Variants in EYS observed in about 807,000 individuals in gnomAD.
EYS encodes EGF-like photoreceptor maintenance factor.
Under a neutral mutation model 282.1 loss-of-function variants are expected in EYS, and 250 were observed. That is an observed-to-expected ratio of 0.89 (90% CI 0.80 to 0.98). The LOEUF (loss-of-function observed/expected upper bound fraction) is 0.98. Among genes scored for constraint, EYS ranks in the 50% least tolerant of loss-of-function variants. The pLI is 0.00. For synonymous variants in EYS, 1,355 were observed against 1,282.9 expected, an observed-to-expected ratio of 1.06 and a Z score of -1.20; for missense variants, 4,016 against 3,709.0, an observed-to-expected ratio of 1.08 and a Z score of -2.15.
chr6:64,753,876 T>C (rs937801446), intron 22 of EYS, among the ~76,000 whole-genome samples: 4 of 152,022 alleles, frequency 2.6e-5, no homozygotes, highest in African/African-American at 7.2e-5. Context: ...TCTCAATGAA[T>C]TTGGAAAAAT....
At chr6:64,848,286 GT>G (rs1256278857) in intron 19 of EYS, among the ~76,000 whole-genome samples, 23 of 151,258 alleles carry the variant, frequency 1.5e-4, no homozygotes, top group Admixed American at 2.6e-4. Context: ...ATAATATTAT[GT>G]TTTTTTATAA....
intron 12 of EYS, among the ~76,000 whole-genome samples, chr6:65,225,490 C>A (rs1464100030): frequency 6.6e-6 from 1 of 151,390 alleles, no homozygotes; most frequent in Non-Finnish European, 1.5e-5. Flanking sequence ...TCGAGGCGGG[C>A]AGATCATGAG....
chr6:64,066,225 C>A, intron 33 of EYS, 113 bp downstream of exon 33: 1 of 899,618 alleles, frequency 1.1e-6, no homozygotes, highest in Non-Finnish European at 1.7e-6. Flanking sequence ...TTGTAGTGAG[C>A]TGAGATCACA....
intron 35 of EYS, among the ~76,000 whole-genome samples, chr6:63,927,295 A>G (rs1224045672): frequency 6.6e-6 from 1 of 152,184 alleles, no homozygotes; most frequent in South Asian, 2.1e-4. Flanking sequence ...CAAAAATGAG[A>G]TAAGAGGTCA....
intron 12 of EYS, among the ~76,000 whole-genome samples, chr6:65,070,844 A>G (rs1171363501): frequency 2.0e-5 from 3 of 151,918 alleles, no homozygotes; most frequent in African/African-American, 7.2e-5. Context: ...TTGACCATTT[A>G]ATACTCTATG....
chr6:64,796,628 G>A (rs531718766), intron 22 of EYS, among the ~76,000 whole-genome samples: 37 of 152,226 alleles, frequency 2.4e-4, no homozygotes, highest in African/African-American at 8.4e-4. Context: ...ATATCAGACC[G>A]ATACACACAG....
At chr6:64,580,087 T>TC (rs1766012118) in intron 26 of EYS, among the ~76,000 whole-genome samples, 1 of 152,170 alleles carries the variant, frequency 6.6e-6, no homozygotes, top group South Asian at 2.1e-4. Context: ...CTTATGTTGC[T>TC]CTGTTCATAG....
intron 28 of EYS, among the ~76,000 whole-genome samples, chr6:64,430,523 A>T (rs1582743419): frequency 6.6e-6 from 1 of 152,214 alleles, no homozygotes; most frequent in African/African-American, 2.4e-5. Context: ...AACCAAGATT[A>T]AAAGAAATAT....
chr6:65,653,426 G>T (rs887696289), intron 1 of EYS, among the ~76,000 whole-genome samples: 2 of 151,848 alleles, frequency 1.3e-5, no homozygotes, highest in Admixed American at 1.3e-4. Context: ...AGTTTGCCTA[G>T]CACAAGCTTT....
At chr6:64,188,971 A>G (rs922459371) in intron 31 of EYS, among the ~76,000 whole-genome samples, 2 of 152,172 alleles carry the variant, frequency 1.3e-5, no homozygotes, top group African/African-American at 4.8e-5. Flanking sequence ...ATTCTTTTTC[A>G]TACTTCTTTC....
intron 31 of EYS, among the ~76,000 whole-genome samples, chr6:64,138,196 G>A (rs1774227083): frequency 6.6e-6 from 1 of 152,192 alleles, no homozygotes; most frequent in Non-Finnish European, 1.5e-5. Flanking sequence ...TGAGCTGTAA[G>A]TCGTAGACGA....
At chr6:64,037,301 C>T (rs2149834532) in intron 33 of EYS, among the ~76,000 whole-genome samples, 1 of 152,268 alleles carries the variant, frequency 6.6e-6, no homozygotes, top group South Asian at 2.1e-4. Flanking sequence ...CAGTACACTT[C>T]ACAAAATAGC....
At chr6:64,331,684 G>C (rs1225756082) in intron 29 of EYS, among the ~76,000 whole-genome samples, 2 of 149,760 alleles carry the variant, frequency 1.3e-5, no homozygotes, top group Non-Finnish European at 2.9e-5. Context: ...GCATTTCTAT[G>C]TGCTGCACCT....
chr6:65,579,035 G>A (rs997020579), intron 2 of EYS, among the ~76,000 whole-genome samples: 8 of 152,098 alleles, frequency 5.3e-5, no homozygotes, highest in Non-Finnish European at 1.2e-4. Context: ...AACACATTTT[G>A]TCCAGTTACT....
intron 19 of EYS, among the ~76,000 whole-genome samples, chr6:64,832,591 T>A (rs544919014): frequency 1.8e-4 from 28 of 152,016 alleles, no homozygotes; most frequent in African/African-American, 6.5e-4. Context: ...GCATGTTAAA[T>A]ATTCTTACCA....
chr6:65,305,942 A>G (rs1289076381), intron 11 of EYS, among the ~76,000 whole-genome samples: 1 of 152,168 alleles, frequency 6.6e-6, no homozygotes, highest in Non-Finnish European at 1.5e-5. Flanking sequence ...GTACTGTGCC[A>G]GGGATATTGA....
chr6:64,411,904 T>C (rs953588404), intron 28 of EYS, among the ~76,000 whole-genome samples: 2 of 151,506 alleles, frequency 1.3e-5, no homozygotes, highest in Non-Finnish European at 2.9e-5. Context: ...TATATGTATA[T>C]ATGTTTATAT....
intron 29 of EYS, among the ~76,000 whole-genome samples, chr6:64,311,979 G>GTTTTTTTTTTTTTTT (rs61332669): frequency 7.1e-6 from 1 of 139,946 alleles, no homozygotes; most frequent in African/African-American, 2.8e-5. Context: ...GCTGCAGAAG[G>GTTTTTTTTTTTTTTT]TTTTTTTTTT....
chr6:63,833,438 A>G (rs1209702012), intron 36 of EYS, among the ~76,000 whole-genome samples: 1 of 152,150 alleles, frequency 6.6e-6, no homozygotes, highest in African/African-American at 2.4e-5. Flanking sequence ...CAGCCAAATC[A>G]TGAGTGAACT....
Sources: allele counts gnomAD v4.1 joint callset (sites outside exome capture counted in the v4.1 genomes callset), GRCh38; gene constraint gnomAD v4.1.1; transcripts MANE v1.5; gene names NCBI Gene and HGNC (gene_info 2026-07-23, HGNC 2026-07-21).